MRTFA: variants seen among roughly 807,000 people sequenced by gnomAD.
MRTFA encodes the protein myocardin related transcription factor A.
A neutral mutation model predicts 83.5 loss-of-function variants in MRTFA; 20 were observed. The observed-to-expected ratio is 0.24, with a 90% CI of 0.17 to 0.35. The LOEUF (loss-of-function observed/expected upper bound fraction) is 0.35. MRTFA is among the 10% of genes least tolerant of loss of function. The pLI is 1.00. For synonymous variants in MRTFA, 659 were observed against 541.2 expected (o/e 1.22, Z -3.02); for missense variants, 1,200 against 1,224.7 (o/e 0.98, Z 0.30).
At chr22:40,520,774 T>C (rs1249842355) in intron 3 of MRTFA, among the ~76,000 whole-genome samples, 1 of 152,242 alleles carries the variant, frequency 6.6e-6, no homozygotes, top group African/African-American at 2.4e-5. Flanking sequence ...TATTCCATTG[T>C]ATGGATATAC....
intron 2 of MRTFA, among the ~76,000 whole-genome samples, chr22:40,578,859 G>C (rs570825637): frequency 2.0e-5 from 3 of 150,208 alleles, no homozygotes; most frequent in African/African-American, 4.8e-5. Flanking sequence ...GGAAGTCAAG[G>C]CTGCAGTGAG....
intron 3 of MRTFA, among the ~76,000 whole-genome samples, chr22:40,502,189 T>C (rs1303837607): frequency 3.1e-4 from 38 of 124,084 alleles, no homozygotes; most frequent in Admixed American, 1.4e-3. Context: ...CCGGACGGGG[T>C]GGCTGCCGGG....
intron 7 of MRTFA, among the ~76,000 whole-genome samples, chr22:40,428,997 A>G (rs1479859863): frequency 6.6e-6 from 1 of 152,074 alleles, no homozygotes; most frequent in Non-Finnish European, 1.5e-5. Flanking sequence ...TGATGCAACC[A>G]GGTTGGGTGA....
At chr22:40,423,724 C>T in intron 8 of MRTFA, 39 bp from the exon 9 acceptor site, 1 of 1,492,630 alleles carries the variant, frequency 6.7e-7, no homozygotes, top group Non-Finnish European at 9.0e-7. Flanking sequence ...TGGCCACCTC[C>T]AGGTAGGGTG....
intron 1 of MRTFA, among the ~76,000 whole-genome samples, chr22:40,635,151 T>C (rs2056681236): frequency 6.6e-6 from 1 of 152,198 alleles, no homozygotes; most frequent in Non-Finnish European, 1.5e-5. Context: ...CAAACGACAT[T>C]AAGCAAAACT....
chr22:40,598,886 G>A (rs1345978861), intron 1 of MRTFA, among the ~76,000 whole-genome samples: 3 of 151,706 alleles, frequency 2.0e-5, no homozygotes, highest in African/African-American at 7.3e-5. Flanking sequence ...AGCTACTTGG[G>A]AGGCTGAGGC....
intron 3 of MRTFA, among the ~76,000 whole-genome samples, chr22:40,524,804 C>T (rs184681793): frequency 3.3e-5 from 5 of 152,182 alleles, no homozygotes; most frequent in South Asian, 2.1e-4. Context: ...TATTTTTGTG[C>T]GTGTGCGTGT....
chr22:40,606,392 T>C (rs1025566328), intron 1 of MRTFA, among the ~76,000 whole-genome samples: 1 of 152,242 alleles, frequency 6.6e-6, no homozygotes, highest in East Asian at 1.9e-4. Flanking sequence ...AATGCCTACA[T>C]CTGTTAAATA....
intron 5 of MRTFA, 97 bp from the exon 6 acceptor site, chr22:40,431,577 A>AGGTGGTCAGCAG: frequency 1.8e-6 from 2 of 1,141,316 alleles, no homozygotes; most frequent in South Asian, 1.3e-5. Context: ...GTAGCTGCTG[A>AGGTGGTCAGCAG]CCACCTCTGC....
At chr22:40,578,179 C>T (rs2055895166) in intron 2 of MRTFA, among the ~76,000 whole-genome samples, 1 of 152,012 alleles carries the variant, frequency 6.6e-6, no homozygotes, top group Non-Finnish European at 1.5e-5. Context: ...GTCTCGAACT[C>T]CTGACCTCAA....
At chr22:40,610,624 T>A (rs1402059122) in intron 1 of MRTFA, among the ~76,000 whole-genome samples, 4 of 152,254 alleles carry the variant, frequency 2.6e-5, no homozygotes, top group Middle Eastern at 3.4e-3. Context: ...TTGTACTTTT[T>A]ATCCATTATG....
chr22:40,606,017 G>A (rs1187564779), intron 1 of MRTFA, among the ~76,000 whole-genome samples: 3 of 152,104 alleles, frequency 2.0e-5, no homozygotes, highest in East Asian at 1.9e-4. Flanking sequence ...TAAACTCTAC[G>A]GAAAATCTGA....
intron 3 of MRTFA, among the ~76,000 whole-genome samples, chr22:40,482,072 A>G (rs1337255408): frequency 1.3e-5 from 2 of 152,104 alleles, no homozygotes; most frequent in East Asian, 3.9e-4. Flanking sequence ...AAAAAAAAAA[A>G]AAAGAAATGA....
intron 1 of MRTFA, among the ~76,000 whole-genome samples, chr22:40,621,086 CAGG>C (rs1311881370): frequency 6.6e-6 from 1 of 151,076 alleles, no homozygotes; most frequent in African/African-American, 2.4e-5. Context: ...GAGGCTGAGG[CAGG>C]AGAATTGCTT....
intron 1 of MRTFA, among the ~76,000 whole-genome samples, chr22:40,631,068 C>A (rs1296082158): frequency 6.6e-6 from 1 of 152,214 alleles, no homozygotes; most frequent in Admixed American, 6.5e-5. Flanking sequence ...CCCTTAATGG[C>A]AACTTGTGCA....
intron 2 of MRTFA, among the ~76,000 whole-genome samples, chr22:40,573,208 T>C (rs2055822119): frequency 6.6e-6 from 1 of 152,134 alleles, no homozygotes; most frequent in African/African-American, 2.4e-5. Flanking sequence ...TTGCACAATC[T>C]TGCGAAAATA....
intron 7 of MRTFA, among the ~76,000 whole-genome samples, chr22:40,428,677 C>G (rs766176245): frequency 1.1e-4 from 17 of 152,128 alleles, no homozygotes; most frequent in Non-Finnish European, 2.1e-4. Context: ...CCACACCCAG[C>G]TAATTTTTTG....
At position 40,447,956 on chromosome 22, in the gene MRTFA, G is replaced by A. The variant is rs142280464; in HGVS notation, c.308-12402C>T. Among the ~76,000 whole-genome samples, 4 of 152,262 alleles carry A rather than the reference G, an allele frequency of 2.6e-5. No individual in the cohort carries two copies. The East Asian group carries it at 7.7e-4, about 29-fold the overall frequency. On this transcript the variant is annotated intron_variant, in intron 4 of 14. Transcript: ENST00000355630. ...GGTTGTAATTCCAACACTTTGGGAG[G>A]CCAAGGAGGGCATATTGCTTGAGCC...
chr22:40,512,003 G>T (rs1347679660), intron 3 of MRTFA, among the ~76,000 whole-genome samples: 1 of 152,168 alleles, frequency 6.6e-6, no homozygotes, highest in Non-Finnish European at 1.5e-5. Context: ...GAGTAGTACA[G>T]AACGAGGAGG....
Sources: allele counts gnomAD v4.1 joint callset (sites outside exome capture counted in the v4.1 genomes callset), GRCh38; gene constraint gnomAD v4.1.1; transcripts MANE v1.5; gene names NCBI Gene and HGNC (gene_info 2026-07-23, HGNC 2026-07-21).